KIAA1328: variants seen among roughly 807,000 people sequenced by gnomAD.
The protein encoded by KIAA1328 is KIAA1328, also known as protein hinderin.
KIAA1328 carries 52 observed loss-of-function variants against 68.1 expected under a neutral mutation model. That is an observed-to-expected ratio of 0.76 (90% CI 0.61 to 0.96). The LOEUF is 0.96. Ranked by LOEUF, KIAA1328 falls within the 40% of genes least tolerant of loss-of-function variation. The pLI, the probability that KIAA1328 is intolerant of heterozygous loss-of-function variation, is 0.00. For synonymous variants in KIAA1328, 232 were observed against 239.4 expected (o/e 0.97, Z 0.28); for missense variants, 641 against 677.6 (o/e 0.95, Z 0.60).
At chr18:37,074,280 C>T (rs142589039) in intron 7 of KIAA1328, among the ~76,000 whole-genome samples, 11 of 152,256 alleles carry the variant, frequency 7.2e-5, no homozygotes, top group East Asian at 1.9e-4. Flanking sequence ...AAACAAAGCC[C>T]GGGAAACTCA....
chr18:36,859,559 GTCTCCCTC>G (rs1456252200), intron 4 of KIAA1328, among the ~76,000 whole-genome samples: 1 of 106,234 alleles, frequency 9.4e-6, no homozygotes, highest in South Asian at 3.3e-4. Flanking sequence ...CTACCTCCCT[GTCTCCCTC>G]TCTCCCTCTC....
At chr18:37,018,787 A>AT (rs34405983) in intron 6 of KIAA1328, among the ~76,000 whole-genome samples, 4,547 of 151,066 alleles carry the variant, frequency 0.03, 236 homozygotes, top group African/African-American at 0.11. Flanking sequence ...GCACTGAATG[A>AT]TTTTTTTTTT....
Position 37,222,406 on chromosome 18 carries a change from C to G in KIAA1328, c.*179C>G. The G allele has an allele frequency of 9.8e-6, 14 of 1,433,172 alleles. No individual in the cohort carries two copies. The highest frequency in any genetic ancestry group is 1.3e-5 in the Non-Finnish European group (14 of 1,100,322). 88.8% of individuals were successfully genotyped at this position (1,433,172 alleles called of 1,614,324 possible). ...ACAACCCAGGTTATTTTCAATCAGA[C>G]CAGGCATTCGATAACACACTAAGGG... On this transcript the variant is annotated 3_prime_UTR_variant, in exon 10 of 10. Transcript: ENST00000280020.
chr18:36,989,115 T>TG (rs2053064378), intron 6 of KIAA1328, among the ~76,000 whole-genome samples: 1 of 152,192 alleles, frequency 6.6e-6, no homozygotes, highest in Admixed American at 6.5e-5. Context: ...GAGTTATTCA[T>TG]CTTTTATGCC....
intron 7 of KIAA1328, among the ~76,000 whole-genome samples, chr18:37,092,608 C>T (rs2057297098): frequency 6.6e-6 from 1 of 152,028 alleles, no homozygotes; most frequent in Admixed American, 6.6e-5. Context: ...GTCTACTATA[C>T]CCACCACTAC....
At chr18:37,064,960 A>AT (rs959289252) in intron 6 of KIAA1328, among the ~76,000 whole-genome samples, 4 of 152,194 alleles carry the variant, frequency 2.6e-5, no homozygotes, top group African/African-American at 9.6e-5. Context: ...CATTTGTGTT[A>AT]TTTTAAGCCA....
intron 7 of KIAA1328, among the ~76,000 whole-genome samples, chr18:37,088,377 A>T (rs2057167731): frequency 6.6e-6 from 1 of 152,128 alleles, no homozygotes; most frequent in Admixed American, 6.5e-5. Context: ...GTATATTTAA[A>T]CCATATTTGG....
Position 37,222,529 on chromosome 18 carries a change from C to T in KIAA1328, c.*302C>T, listed in dbSNP as rs1210970921. 8 of 1,161,580 alleles carry T rather than the reference C, an allele frequency of 6.9e-6. No homozygotes were observed. Among genetic ancestry groups the T allele is most frequent in the Admixed American group, 4.4e-5 (1 of 22,942 alleles). 72.0% of individuals were successfully genotyped at this position (1,161,580 alleles called of 1,614,324 possible). A position where few individuals can be genotyped will look rare whatever the true frequency, so the allele number is the denominator to read the frequency against. ...GTGGAAACCATTGCATATTCAGCCT[C>T]ATTTCAAGAGTGTTTCCTTCTCAAA... On this transcript the variant is annotated 3_prime_UTR_variant, in exon 10 of 10. Transcript: ENST00000280020.
chr18:37,102,984 G>A (rs2057666920), intron 7 of KIAA1328, among the ~76,000 whole-genome samples: 1 of 152,070 alleles, frequency 6.6e-6, no homozygotes, highest in East Asian at 1.9e-4. Context: ...TAACCAAGGA[G>A]TTTCAAGACC....
chr18:36,975,104 T>C (rs1046901319), intron 6 of KIAA1328, among the ~76,000 whole-genome samples: 8 of 152,076 alleles, frequency 5.3e-5, no homozygotes, highest in African/African-American at 1.9e-4. Flanking sequence ...ATTATGTTGA[T>C]ATCAGTCACT....
At chr18:37,000,000 T>C (rs555775524) in intron 6 of KIAA1328, among the ~76,000 whole-genome samples, 4 of 152,188 alleles carry the variant, frequency 2.6e-5, no homozygotes, top group African/African-American at 7.2e-5. Context: ...GAACAAAGCC[T>C]ATCATATTAA....
downstream of KIAA1328, among the ~76,000 whole-genome samples, chr18:37,226,395 C>T (rs2060637606): frequency 6.6e-6 from 1 of 152,040 alleles, no homozygotes; most frequent in Non-Finnish European, 1.5e-5. Flanking sequence ...GCCTCCATCA[C>T]CACAATCAAT....
Position 36,840,385 on chromosome 18 carries a change from T to C in KIAA1328, c.238-3823T>C, listed in dbSNP as rs1233538971. Reference sequence around the variant, plus strand: ...TGTCGGGGGTATATGTGTCTATGTGTGCTTTTTCTTAAAACTAGAAATGGT... The same window carrying C: ...TGTCGGGGGTATATGTGTCTATGTGCGCTTTTTCTTAAAACTAGAAATGGT... On this transcript the variant is annotated intron_variant, in intron 3 of 9. Transcript: ENST00000280020. 2.6e-5 allele frequency among the ~76,000 whole-genome samples: 4 copies of C among 152,250 alleles called. No individual in the cohort carries two copies. In the East Asian group the frequency reaches 7.7e-4, roughly 29 times the overall value.
chr18:37,176,611 A>T (rs2059601906), intron 9 of KIAA1328, among the ~76,000 whole-genome samples: 1 of 152,180 alleles, frequency 6.6e-6, no homozygotes, highest in Non-Finnish European at 1.5e-5. Flanking sequence ...GCTTGAATGG[A>T]ACAAGCAATG....
chr18:36,987,406 A>C (rs2052976135), intron 6 of KIAA1328, among the ~76,000 whole-genome samples: 1 of 147,552 alleles, frequency 6.8e-6, no homozygotes, highest in Non-Finnish European at 1.5e-5. Flanking sequence ...TAGTGGGTGC[A>C]GCGCACCAGC....
At chr18:37,206,039 C>A (rs2060209873) in intron 9 of KIAA1328, among the ~76,000 whole-genome samples, 1 of 152,222 alleles carries the variant, frequency 6.6e-6, no homozygotes, top group Non-Finnish European at 1.5e-5. Flanking sequence ...TTCTCAGTAA[C>A]TTCATTCTCA....
intron 9 of KIAA1328, among the ~76,000 whole-genome samples, chr18:37,189,984 T>G (rs2059874952): frequency 6.6e-6 from 1 of 152,242 alleles, no homozygotes; most frequent in Admixed American, 6.5e-5. Flanking sequence ...CTTTCACTTT[T>G]TATGCACTTC....
intron 5 of KIAA1328, among the ~76,000 whole-genome samples, chr18:36,938,785 G>T (rs752850849): frequency 6.6e-6 from 1 of 152,084 alleles, no homozygotes; most frequent in Non-Finnish European, 1.5e-5. Context: ...TGGGTCTAGT[G>T]TCATTCTTCT....
rs531779396 is a variant in KIAA1328, at chr18:37,107,907, G to T, written c.1232+40362G>T. Among the ~76,000 whole-genome samples, 4 of 151,388 alleles carry T rather than the reference G, an allele frequency of 2.6e-5. No individual in the cohort carries two copies. In the East Asian group the frequency reaches 7.7e-4, roughly 29 times the overall value. Reference sequence around the variant, plus strand: ...ATGCTGGCAAGCCCGTGGAGAAAATGGAACACATGTACACTGTTAGTGGGA... The same window carrying T: ...ATGCTGGCAAGCCCGTGGAGAAAATTGAACACATGTACACTGTTAGTGGGA... On this transcript the variant is annotated intron_variant, in intron 7 of 9. Coordinates refer to ENST00000280020, the MANE Select transcript of KIAA1328 (RefSeq NM_020776.3).
Sources: allele counts gnomAD v4.1 joint callset (sites outside exome capture counted in the v4.1 genomes callset), GRCh38; gene constraint gnomAD v4.1.1; transcripts MANE v1.5; gene names NCBI Gene and HGNC (gene_info 2026-07-23, HGNC 2026-07-21).